Variants in ADCY2 observed in about 807,000 individuals in gnomAD.
The protein encoded by ADCY2 is adenylate cyclase 2.
ADCY2 carries 31 observed loss-of-function variants against 125.2 expected under a neutral mutation model. That is an observed-to-expected ratio of 0.25 (90% CI 0.19 to 0.33). ADCY2 has a LOEUF of 0.33. Ranked by LOEUF, ADCY2 falls within the 10% of genes least tolerant of loss-of-function variation. The pLI is 1.00. For missense variants in ADCY2, 904 were observed against 1,418.2 expected (o/e 0.64, Z 5.82); for synonymous variants, 512 against 548.4 (o/e 0.93, Z 0.93).
chr5:7,545,615 T>A (rs182128519), intron 3 of ADCY2, among the ~76,000 whole-genome samples: 28 of 152,316 alleles, frequency 1.8e-4, no homozygotes, highest in African/African-American at 6.7e-4. Context: ...GGTTTATTTC[T>A]ACAGTGTTTA....
At chr5:7,653,247 C>A (rs1354527018) in intron 4 of ADCY2, among the ~76,000 whole-genome samples, 1 of 152,192 alleles carries the variant, frequency 6.6e-6, no homozygotes, top group Non-Finnish European at 1.5e-5. Context: ...CCTGAGCAGG[C>A]AGTGTGGACT....
In ADCY2 at chr5:7,439,667, G is replaced by T. The variant is rs1290338706; in HGVS notation, c.408+24897G>T. Among the ~76,000 whole-genome samples, 5 of 152,050 alleles carry T rather than the reference G, an allele frequency of 3.3e-5. No individual in the cohort carries two copies. The East Asian group carries it at 9.6e-4, about 29-fold the overall frequency. On this transcript the variant is annotated intron_variant, in intron 2 of 24. Transcript: ENST00000338316. ...TATTAAGTTCATATCAAACAAAATG[G>T]AATAATGGTAACTACTATCAATGAG...
intron 9 of ADCY2, 111 bp downstream of exon 9, chr5:7,707,949 C>A: frequency 8.2e-7 from 1 of 1,214,602 alleles, no homozygotes. Flanking sequence ...CTCTTTGTCC[C>A]CAAAATATTT....
chr5:7,610,386 G>A (rs6872222), intron 3 of ADCY2, among the ~76,000 whole-genome samples: 218 of 152,280 alleles, frequency 1.4e-3, no homozygotes, highest in African/African-American at 5.1e-3. Context: ...GGGCCCAGCT[G>A]CTGCTGAGAG....
intron 2 of ADCY2, among the ~76,000 whole-genome samples, chr5:7,504,779 G>T (rs1225795858): frequency 1.3e-5 from 2 of 151,658 alleles, no homozygotes; most frequent in Non-Finnish European, 2.9e-5. Flanking sequence ...AAAGTGCTGG[G>T]ACTACATGTG....
At chr5:7,712,965 T>C in intron 11 of ADCY2, 66 bp downstream of exon 11, 2 of 1,206,546 alleles carry the variant, frequency 1.7e-6, no homozygotes, top group Non-Finnish European at 2.4e-6. Flanking sequence ...AGAGTAATTA[T>C]CATCAATTAT....
intron 4 of ADCY2, among the ~76,000 whole-genome samples, chr5:7,675,848 G>A (rs1336829176): frequency 6.6e-6 from 1 of 152,156 alleles, no homozygotes; most frequent in Non-Finnish European, 1.5e-5. Flanking sequence ...AGTAGTAGAG[G>A]ACTCCAATGA....
intron 18 of ADCY2, among the ~76,000 whole-genome samples, chr5:7,780,615 T>A (rs1162412610): frequency 6.6e-6 from 1 of 152,198 alleles, no homozygotes; most frequent in African/African-American, 2.4e-5. Flanking sequence ...TGAGAAGATA[T>A]GATTTTACCT....
intron 2 of ADCY2, among the ~76,000 whole-genome samples, chr5:7,501,617 TC>T (rs2126504159): frequency 9.5e-6 from 1 of 105,772 alleles, no homozygotes; most frequent in African/African-American, 3.7e-5. Context: ...TTTCCTCATA[TC>T]CCATCAAAAA....
intron 18 of ADCY2, among the ~76,000 whole-genome samples, chr5:7,780,001 A>T (rs1157599246): frequency 6.6e-6 from 1 of 152,206 alleles, no homozygotes; most frequent in Non-Finnish European, 1.5e-5. Flanking sequence ...GCCAGGAGGA[A>T]GTTACTGCCT....
intron 18 of ADCY2, among the ~76,000 whole-genome samples, chr5:7,776,126 A>G (rs138452320): frequency 6.7e-5 from 10 of 148,852 alleles, no homozygotes; most frequent in African/African-American, 2.2e-4. Context: ...AATTGAAATC[A>G]GTTTTCTCAT....
At chr5:7,738,527 C>A (rs10780107) in intron 14 of ADCY2, among the ~76,000 whole-genome samples, 67,687 of 151,208 alleles carry the variant, frequency 0.45, 16,175 homozygotes, top group East Asian at 0.94. Context: ...AGCAATGGGG[C>A]AAATAAACAA....
At chr5:7,663,237 A>C (rs1346092702) in intron 4 of ADCY2, among the ~76,000 whole-genome samples, 1 of 152,258 alleles carries the variant, frequency 6.6e-6, no homozygotes, top group Admixed American at 6.5e-5. Context: ...ACACCAAAAA[A>C]AAGGAAGAAA....
At chr5:7,743,578 G>C (rs1474691369) in intron 14 of ADCY2, 90 bp from the exon 15 acceptor site, 6 of 1,174,258 alleles carry the variant, frequency 5.1e-6, no homozygotes, top group East Asian at 2.3e-5. Context: ...ATTTAATAAA[G>C]TCCTCGTTAA....
chr5:7,491,880 T>G (rs908584848), intron 2 of ADCY2, among the ~76,000 whole-genome samples: 4 of 152,256 alleles, frequency 2.6e-5, no homozygotes, highest in Non-Finnish European at 5.9e-5. Context: ...TATCTATTAC[T>G]ATATTCTGTT....
At chr5:7,669,735 C>T (rs1452951417) in intron 4 of ADCY2, among the ~76,000 whole-genome samples, 1 of 152,202 alleles carries the variant, frequency 6.6e-6, no homozygotes, top group African/African-American at 2.4e-5. Flanking sequence ...GTCCATCAAT[C>T]CTAATCACAC....
chr5:7,815,985 T>C (rs976253425), intron 22 of ADCY2, among the ~76,000 whole-genome samples: 2 of 152,228 alleles, frequency 1.3e-5, no homozygotes, highest in African/African-American at 4.8e-5. Context: ...CCTCTCCTTG[T>C]GTCTTCACAC....
chr5:7,527,475 A>G (rs1408846157), intron 3 of ADCY2, among the ~76,000 whole-genome samples: 1 of 152,150 alleles, frequency 6.6e-6, no homozygotes, highest in Non-Finnish European at 1.5e-5. Flanking sequence ...CTTGGTATTC[A>G]TAGCACGTTC....
chr5:7,702,539 C>G (rs1260022855), intron 7 of ADCY2, among the ~76,000 whole-genome samples: 2 of 152,114 alleles, frequency 1.3e-5, no homozygotes, highest in Non-Finnish European at 1.5e-5. Context: ...TCATCCATGT[C>G]CCTACAAAGG....
Sources: allele counts gnomAD v4.1 joint callset (sites outside exome capture counted in the v4.1 genomes callset), GRCh38; gene constraint gnomAD v4.1.1; transcripts MANE v1.5; gene names NCBI Gene and HGNC (gene_info 2026-07-23, HGNC 2026-07-21).